The following KCNK2 variants were observed in gnomAD, a reference collection of about 807,000 sequenced individuals.
KCNK2 encodes the protein potassium channel subfamily K member 2.
KCNK2 carries 21 observed loss-of-function variants against 40.5 expected under a neutral mutation model. The ratio of observed to expected loss-of-function variants is 0.52; its 90% CI spans 0.37 to 0.75. The LOEUF is 0.75. Among genes scored for constraint, KCNK2 ranks in the 30% least tolerant of loss-of-function variants. The pLI is 0.00. For missense variants in KCNK2, 399 were observed against 531.6 expected (o/e 0.75, Z 2.45); for synonymous variants, 191 against 202.2 (o/e 0.94, Z 0.47).
At chr1:215,023,879 T>G (rs1656899333) in intron 1 of KCNK2, among the ~76,000 whole-genome samples, 1 of 152,152 alleles carries the variant, frequency 6.6e-6, no homozygotes, top group African/African-American at 2.4e-5. Context: ...TTGTTTTGCT[T>G]TGTCTCCCCT....
chr1:215,077,955 A>T (rs558777033), upstream of KCNK2, among the ~76,000 whole-genome samples: 1 of 152,114 alleles, frequency 6.6e-6, no homozygotes, highest in Admixed American at 6.5e-5. Flanking sequence ...TTTATTTTTC[A>T]TCTTCTCATA....
intron 1 of KCNK2, among the ~76,000 whole-genome samples, chr1:215,027,251 A>G (rs1657031645): frequency 6.6e-6 from 1 of 152,014 alleles, no homozygotes; most frequent in Non-Finnish European, 1.5e-5. Context: ...TCCTTATCTC[A>G]CTGTTTTCAT....
chr1:215,007,081 A>ATG (rs1241760561), intron 1 of KCNK2, among the ~76,000 whole-genome samples: 13 of 94,522 alleles, frequency 1.4e-4, no homozygotes, highest in Non-Finnish European at 2.3e-4. Flanking sequence ...GTATATATAT[A>ATG]TGTGTGTATA....
At chr1:215,024,299 C>T (rs1468888072) in intron 1 of KCNK2, among the ~76,000 whole-genome samples, 2 of 152,166 alleles carry the variant, frequency 1.3e-5, no homozygotes, top group Non-Finnish European at 2.9e-5. Flanking sequence ...CAGGCTGGAG[C>T]CAAGCCTAGG....
intron 1 of KCNK2, among the ~76,000 whole-genome samples, chr1:215,007,205 A>T (rs201984864): frequency 9.1e-6 from 1 of 109,482 alleles, no homozygotes; most frequent in Non-Finnish European, 1.8e-5. Context: ...ATATATATAT[A>T]TATATATATA....
At chr1:215,218,143 G>A (rs1228636430) in intron 6 of KCNK2, among the ~76,000 whole-genome samples, 1 of 152,150 alleles carries the variant, frequency 6.6e-6, no homozygotes, top group Non-Finnish European at 1.5e-5. Context: ...ACTTAATGCA[G>A]TCACAGTATA....
intron 3 of KCNK2, among the ~76,000 whole-genome samples, chr1:215,132,680 C>T (rs950242008): frequency 6.6e-6 from 1 of 152,082 alleles, no homozygotes; most frequent in African/African-American, 2.4e-5. Context: ...GAAAACAAAA[C>T]CCATATCGGA....
intron 1 of KCNK2, among the ~76,000 whole-genome samples, chr1:215,085,152 T>C (rs1329619652): frequency 3.3e-5 from 5 of 152,232 alleles, no homozygotes; most frequent in East Asian, 3.9e-4. Context: ...AGATTTCTTA[T>C]ATACTTACCT....
upstream of KCNK2, among the ~76,000 whole-genome samples, chr1:215,081,505 G>T (rs1659153940): frequency 6.6e-6 from 1 of 152,006 alleles, no homozygotes; most frequent in Non-Finnish European, 1.5e-5. Flanking sequence ...GGGGAAAGAG[G>T]TGCTGAATGT....
chr1:215,031,584 G>C (rs1177960941), intron 1 of KCNK2, among the ~76,000 whole-genome samples: 1 of 152,056 alleles, frequency 6.6e-6, no homozygotes, highest in East Asian at 1.9e-4. Context: ...TTTGGATTAG[G>C]GTGCTGAGTT....
At chr1:215,112,738 T>C (rs1660748246) in intron 2 of KCNK2, among the ~76,000 whole-genome samples, 1 of 152,296 alleles carries the variant, frequency 6.6e-6, no homozygotes, top group Non-Finnish European at 1.5e-5. Flanking sequence ...CAAATACCAT[T>C]GTCTTACAGT....
At chr1:215,044,167 T>C (rs1457240364) in intron 1 of KCNK2, among the ~76,000 whole-genome samples, 5 of 152,172 alleles carry the variant, frequency 3.3e-5, no homozygotes, top group Non-Finnish European at 4.4e-5. Context: ...TTAATGTGTT[T>C]TTTTTCCAAA....
intron 2 of KCNK2, among the ~76,000 whole-genome samples, chr1:215,091,249 G>A (rs74143654): frequency 0.016 from 2,499 of 152,192 alleles, 69 homozygotes; most frequent in African/African-American, 0.057. Flanking sequence ...GAATGGGCAT[G>A]GTATGCTCCA....
rs553982107 is a variant in KCNK2, at chr1:215,147,924, T to C, written c.476-21275T>C. 1.8e-4 allele frequency among the ~76,000 whole-genome samples: 27 copies of C among 152,254 alleles called. No individual in the cohort carries two copies. In the Middle Eastern group the frequency reaches 0.01, roughly 58 times the overall value. Reference sequence around the variant, plus strand: ...AGGTTTGCTCTTTTTAGGTTGCTTATTGAGGGCATCTCCTAAATGTATGTT... The same window carrying C: ...AGGTTTGCTCTTTTTAGGTTGCTTACTGAGGGCATCTCCTAAATGTATGTT... On this transcript the variant is annotated intron_variant, in intron 3 of 6. Coordinates refer to ENST00000444842, the MANE Select transcript of KCNK2 (RefSeq NM_001017425.3).
intron 5 of KCNK2, among the ~76,000 whole-genome samples, chr1:215,194,369 T>G (rs1399939368): frequency 6.6e-6 from 1 of 152,186 alleles, no homozygotes; most frequent in Non-Finnish European, 1.5e-5. Context: ...GAATAATGAA[T>G]GGTAGTATTA....
chr1:215,200,457 T>G (rs556221015), intron 6 of KCNK2, among the ~76,000 whole-genome samples: 2 of 152,314 alleles, frequency 1.3e-5, no homozygotes, highest in African/African-American at 4.8e-5. Context: ...AGTAGATCAC[T>G]TTATCATTAT....
In KCNK2 at chr1:215,055,889, C is replaced by G. The variant is rs548490675; in HGVS notation, c.35-30479C>G. On this transcript the variant is annotated intron_variant, in intron 1 of 6. Transcript: ENST00000391895. ...GATTCTTCCCTTGTGGCACAGAAAA[C>G]TCCTGGAGATTTCTCTTTTATGTAC... Among the ~76,000 whole-genome samples, 56 of 152,334 alleles carry G rather than the reference C, an allele frequency of 3.7e-4. 1 individual carries two copies. Among genetic ancestry groups the G allele is most frequent in the African/African-American group, 1.3e-3 (54 of 41,572 alleles).
chr1:215,127,749 C>T (rs2102585101), intron 3 of KCNK2, among the ~76,000 whole-genome samples: 1 of 152,264 alleles, frequency 6.6e-6, no homozygotes, highest in East Asian at 1.9e-4. Flanking sequence ...TTGTCTGTAT[C>T]TCCAAATGCC....
intron 3 of KCNK2, among the ~76,000 whole-genome samples, chr1:215,144,308 C>T (rs4509553): frequency 0.66 from 100,773 of 151,914 alleles, 35,159 homozygotes; most frequent in Non-Finnish European, 0.77. Context: ...TTAATCGATG[C>T]CCCTTAATGG....
Sources: allele counts gnomAD v4.1 joint callset (sites outside exome capture counted in the v4.1 genomes callset), GRCh38; gene constraint gnomAD v4.1.1; transcripts MANE v1.5; gene names NCBI Gene and HGNC (gene_info 2026-07-23, HGNC 2026-07-21).